Variants in RNF185 observed in about 807,000 individuals in gnomAD.
RNF185 encodes the protein ring finger protein 185, also known as E3 ubiquitin-protein ligase RNF185.
In RNF185, 13 loss-of-function variants were observed where a neutral mutation model predicts 24.9. The ratio of observed to expected loss-of-function variants is 0.52; its 90% CI spans 0.34 to 0.83. The LOEUF is 0.83. Among genes scored for constraint, RNF185 ranks in the 40% least tolerant of loss-of-function variants. The pLI, the probability that RNF185 is intolerant of heterozygous loss-of-function variation, is 0.01. For synonymous variants in RNF185, 79 were observed against 90.3 expected, an observed-to-expected ratio of 0.88 and a Z score of 0.71; for missense variants, 184 against 244.7, an observed-to-expected ratio of 0.75 and a Z score of 1.65.
At chr22:31,196,300 C>A (rs540463805) in intron 4 of RNF185, among the ~76,000 whole-genome samples, 1 of 152,292 alleles carries the variant, frequency 6.6e-6, no homozygotes, top group South Asian at 2.1e-4. Context: ...GTTGCTCTCA[C>A]CCAGTTCCCA....
intron 5 of RNF185, among the ~76,000 whole-genome samples, chr22:31,200,919 C>T (rs1461890095): frequency 6.6e-6 from 1 of 152,142 alleles, no homozygotes; most frequent in Non-Finnish European, 1.5e-5. Flanking sequence ...GTAGTTGTGA[C>T]CACAGTGTTC....
chr22:31,179,725 TA>T (rs1450168051), intron 1 of RNF185, among the ~76,000 whole-genome samples: 13 of 152,184 alleles, frequency 8.5e-5, no homozygotes, highest in Admixed American at 1.3e-4. Flanking sequence ...TACTGTCCCT[TA>T]ACCATTCCTA....
intron 6 of RNF185, among the ~76,000 whole-genome samples, chr22:31,202,607 CTTTTTTTTTTTTTT>C: frequency 1.2e-5 from 1 of 83,768 alleles, no homozygotes; most frequent in Non-Finnish European, 2.1e-5. Context: ...TTGGGAATGC[CTTTTTTTTTTTTTT>C]TTTTTTTTTG....
At chr22:31,162,849 C>T (rs1358965124) in intron 1 of RNF185, among the ~76,000 whole-genome samples, 2 of 150,990 alleles carry the variant, frequency 1.3e-5, no homozygotes, top group Admixed American at 1.3e-4. Flanking sequence ...ACTGCAAGCT[C>T]CGCCTCCTGG....
At chr22:31,168,101 TC>T (rs1364546201) in intron 1 of RNF185, among the ~76,000 whole-genome samples, 2 of 152,174 alleles carry the variant, frequency 1.3e-5, no homozygotes, top group African/African-American at 4.8e-5. Flanking sequence ...TATTTCTTCT[TC>T]CCCCTAGCCA....
At chr22:31,182,109 CTTT>C (rs747537462) in intron 1 of RNF185, among the ~76,000 whole-genome samples, 5 of 122,788 alleles carry the variant, frequency 4.1e-5, no homozygotes, top group Admixed American at 1.8e-4. Context: ...ACAGTAATTC[CTTT>C]TTTTTTTTTT....
chr22:31,178,644 T>G (rs531339913), intron 1 of RNF185, among the ~76,000 whole-genome samples: 1 of 152,330 alleles, frequency 6.6e-6, no homozygotes, highest in Non-Finnish European at 1.5e-5. Context: ...TTAATCTATG[T>G]GCCTTCAGCT....
chr22:31,187,908 G>A (rs1207985579), intron 2 of RNF185, among the ~76,000 whole-genome samples: 3 of 130,964 alleles, frequency 2.3e-5, no homozygotes, highest in East Asian at 2.2e-4. Context: ...GGTGAAGGTC[G>A]GATTTTGGTT....
At chr22:31,172,183 G>C (rs934397676) in intron 1 of RNF185, among the ~76,000 whole-genome samples, 1 of 151,708 alleles carries the variant, frequency 6.6e-6, no homozygotes, top group East Asian at 2.0e-4. Context: ...TTCACTGACT[G>C]TGTGAAAATA....
chr22:31,170,130 T>C (rs1198164846), intron 1 of RNF185, among the ~76,000 whole-genome samples: 2 of 152,194 alleles, frequency 1.3e-5, no homozygotes, highest in African/African-American at 2.4e-5. Flanking sequence ...ATACTCGCTC[T>C]CTTAATTGCT....
chr22:31,181,382 AAC>A (rs1031132579), intron 1 of RNF185, among the ~76,000 whole-genome samples: 10 of 152,110 alleles, frequency 6.6e-5, no homozygotes, highest in Non-Finnish European at 2.9e-5. Flanking sequence ...GTAATTTTCA[AAC>A]ACACACACAG....
chr22:31,186,446 AC>A (rs1383204361), intron 1 of RNF185, among the ~76,000 whole-genome samples: 1 of 151,978 alleles, frequency 6.6e-6, no homozygotes, highest in African/African-American at 2.4e-5. Context: ...TACTAAAAAT[AC>A]AAAAATTAGC....
At chr22:31,163,643 A>C (rs2147915239) in intron 1 of RNF185, among the ~76,000 whole-genome samples, 1 of 143,040 alleles carries the variant, frequency 7.0e-6, no homozygotes, top group Middle Eastern at 3.7e-3. Flanking sequence ...TTGTTTTTTA[A>C]CTTTTTATTT....
intron 1 of RNF185, among the ~76,000 whole-genome samples, chr22:31,179,625 T>C (rs991485216): frequency 6.6e-6 from 1 of 152,222 alleles, no homozygotes; most frequent in African/African-American, 2.4e-5. Flanking sequence ...GAGAGTGATA[T>C]GGCCTGCCTA....
Position 31,204,579 on chromosome 22 carries a change from T to C in RNF185, c.572T>C (p.Ile191Thr), listed in dbSNP as rs764994362. Reference protein sequence around the residue: ...VALVIMFWLLIA With the variant: ...VALVIMFWLLTA ...CTGGTGATCATGTTCTGGCTCCTGA[T>C]TGCCTAATGCTGGGCTCCTGCCTAC... The change falls in exon 7 of 7, where the codon ATT (isoleucine) becomes ACT (threonine). Residue 191 changes from isoleucine (I) to threonine (T), a missense_variant. Transcript: ENST00000326132. 7 of 1,574,264 alleles carry C rather than the reference T, an allele frequency of 4.4e-6. No individual in the cohort carries two copies. The East Asian group carries it at 8.9e-5, about 20-fold the overall frequency.
At chr22:31,194,787 C>T (rs954121687) in intron 3 of RNF185, among the ~76,000 whole-genome samples, 12 of 152,018 alleles carry the variant, frequency 7.9e-5, no homozygotes, top group African/African-American at 2.4e-4. Context: ...AATACAGTTG[C>T]TCCTACTGGG....
At chr22:31,176,479 TTTTTTC>T (rs2049775531) in intron 1 of RNF185, among the ~76,000 whole-genome samples, 2 of 147,532 alleles carry the variant, frequency 1.4e-5, no homozygotes, top group Admixed American at 7.0e-5. Context: ...TACATCCTGC[TTTTTTC>T]TTTTTCTTTT....
intron 1 of RNF185, among the ~76,000 whole-genome samples, chr22:31,168,738 G>A (rs999045421): frequency 1.3e-5 from 2 of 152,078 alleles, no homozygotes; most frequent in African/African-American, 4.8e-5. Flanking sequence ...TTATTTTCTG[G>A]TGTTATAAAA....
At position 31,160,204 on chromosome 22, in the gene RNF185, A is replaced by C. The variant is rs1291739957; in HGVS notation, c.-148A>C. 6.6e-6 allele frequency: 1 copy of C among 151,796 alleles called. No homozygotes were observed. The highest frequency in any genetic ancestry group is 2.4e-5 in the African/African-American group (1 of 41,018). The allele number at this position is 151,796 out of a possible 1,614,324, so 9.4% of individuals were successfully genotyped here. On this transcript the variant is annotated 5_prime_UTR_variant, in exon 1 of 7. Coordinates refer to ENST00000326132, the MANE Select transcript of RNF185 (RefSeq NM_152267.4). ...GTCATGTGACTGGAGTCCGCGTAGGAGGGGTCGGAGGTCTTACCCAACAGA... is the reference window on the plus strand; with the variant it reads ...GTCATGTGACTGGAGTCCGCGTAGGCGGGGTCGGAGGTCTTACCCAACAGA...
Sources: gnomAD v4.1 joint callset for allele counts (sites outside exome capture counted in the v4.1 genomes callset) on GRCh38, gnomAD v4.1.1 for gene constraint, MANE v1.5 for transcripts, NCBI Gene and HGNC (gene_info 2026-07-23, HGNC 2026-07-21) for gene names.